The following SMIM41 variants were observed in gnomAD, a reference collection of about 807,000 sequenced individuals.
SMIM41 encodes the protein small integral membrane protein 41.
chr12:52,090,624 G>GA (rs1330560045), intron 2 of SMIM41, among the ~76,000 whole-genome samples: 1 of 152,204 alleles, frequency 6.6e-6, no homozygotes, highest in Non-Finnish European at 1.5e-5. Context: ...TGGAGAGCCA[G>GA]AAAATGGACT....
At chr12:52,083,794 A>G (rs1405987920) in intron 1 of SMIM41, 100 bp from the exon 2 acceptor site, 2 of 152,224 alleles carry the variant, frequency 1.3e-5, no homozygotes, top group Non-Finnish European at 2.9e-5. Flanking sequence ...TAGGTTTGTC[A>G]TTGATCAAAT....
At chr12:52,084,264 T>C (rs1193130691) in intron 2 of SMIM41, among the ~76,000 whole-genome samples, 1 of 151,124 alleles carries the variant, frequency 6.6e-6, no homozygotes, top group East Asian at 1.9e-4. Flanking sequence ...ATGGGGAGAA[T>C]TGCTTGAATC....
chr12:52,089,877 A>G (rs770390230), intron 2 of SMIM41, among the ~76,000 whole-genome samples: 120 of 152,306 alleles, frequency 7.9e-4, no homozygotes, highest in Non-Finnish European at 1.2e-3. Context: ...ATCTGCAATG[A>G]TCCTACTTCC....
At chr12:52,088,807 G>A (rs1463870171) in intron 2 of SMIM41, among the ~76,000 whole-genome samples, 3 of 152,090 alleles carry the variant, frequency 2.0e-5, no homozygotes, top group African/African-American at 7.2e-5. Flanking sequence ...ACTGCTCATA[G>A]GATGGCATCT....
chr12:52,104,445 T>A, intron 2 of SMIM41: 1 of 175,022 alleles, frequency 5.7e-6, no homozygotes, highest in Non-Finnish European at 1.2e-5. Context: ...GGATGGAGTC[T>A]GAGCCTCCAT....
chr12:52,094,837 A>G (rs1940062136), intron 2 of SMIM41: 1 of 152,168 alleles, frequency 6.6e-6, no homozygotes, highest in Non-Finnish European at 1.5e-5. Flanking sequence ...CCAAGAAGTT[A>G]GCTGATGAAC....
intron 2 of SMIM41, among the ~76,000 whole-genome samples, chr12:52,096,635 C>T (rs1306976143): frequency 2.0e-5 from 3 of 151,260 alleles, no homozygotes; most frequent in Non-Finnish European, 4.4e-5. Context: ...AAGATCAGTA[C>T]CGGTTATTAA....
At chr12:52,100,779 T>C (rs1275306293) in intron 2 of SMIM41, among the ~76,000 whole-genome samples, 3 of 152,134 alleles carry the variant, frequency 2.0e-5, no homozygotes, top group Non-Finnish European at 4.4e-5. Flanking sequence ...AGCCACCACT[T>C]AGCATTTTCA....
In SMIM41 at chr12:52,079,791, TCAGG is replaced by T. The variant is rs891239462; in HGVS notation, c.14_17del (p.Gln5ArgfsTer10). 1.3e-5 allele frequency: 5 copies of T among 393,486 alleles called. No individual in the cohort carries two copies. The highest frequency in any genetic ancestry group is 1.0e-4 in the African/African-American group (5 of 48,474). The allele number at this position is 393,486 out of a possible 1,614,324, so 24.4% of individuals were successfully genotyped here. On this transcript the variant is annotated frameshift_variant, in exon 1 of 3. Coordinates refer to ENST00000546390, the MANE Select transcript of SMIM41 (RefSeq NM_001369216.1). LOFTEE classifies it high-confidence loss of function. ...GCCGGCGCTGGAGCATGAACGGCTC[TCAGG>T]CGGGCGCCGCGGCTCAGGCCGCCTG...
intron 2 of SMIM41, among the ~76,000 whole-genome samples, chr12:52,085,853 A>G (rs1939884870): frequency 6.6e-6 from 1 of 152,180 alleles, no homozygotes; most frequent in Non-Finnish European, 1.5e-5. Flanking sequence ...GGTGGCCATG[A>G]GATAACTCAT....
At chr12:52,104,597 G>C (rs1411009257) in intron 2 of SMIM41, among the ~76,000 whole-genome samples, 6 of 151,930 alleles carry the variant, frequency 3.9e-5, no homozygotes, top group African/African-American at 1.5e-4. Flanking sequence ...AGGAGAGTGC[G>C]GTGGGCAGAT....
rs1940369146 is a variant in SMIM41 at position 52,107,699 on chromosome 12, G to A, written c.*516G>A. On this transcript the variant is annotated 3_prime_UTR_variant, in exon 3 of 3. Coordinates refer to ENST00000546390, the MANE Select transcript of SMIM41 (RefSeq NM_001369216.1). ...CTCCTGAGTGTGATGGCCTATGACC[G>A]GTTTGTAGCCATCTGTCACCCTCTA... 9 of 498,474 alleles carry A rather than the reference G, an allele frequency of 1.8e-5. No homozygotes were observed. Among genetic ancestry groups the A allele is most frequent in the South Asian group, 1.4e-4 (9 of 63,492 alleles). The allele number at this position is 498,474 out of a possible 1,614,324, so 30.9% of individuals were successfully genotyped here. A position where few individuals can be genotyped will look rare whatever the true frequency, so the allele number is the denominator to read the frequency against.
rs547874529 is a variant in SMIM41, at chr12:52,103,049, G to A, written c.*196-4330G>A. On this transcript the variant is annotated intron_variant, in intron 2 of 2. Coordinates refer to ENST00000546390, the MANE Select transcript of SMIM41 (RefSeq NM_001369216.1). Reference sequence around the variant, plus strand: ...CTTAAAAAGGCAGGCACTTCTGGCCGGTGCGGTGGCTCATGCCTGTAATCC... The same window carrying A: ...CTTAAAAAGGCAGGCACTTCTGGCCAGTGCGGTGGCTCATGCCTGTAATCC... Among the ~76,000 whole-genome samples the A allele has an allele frequency of 3.9e-5, 6 of 152,158 alleles. No individual in the cohort carries two copies. In the South Asian group the frequency reaches 8.3e-4, roughly 21 times the overall value.
rs1403053459 is a variant in SMIM41 at position 52,099,904 on chromosome 12, T to C, written c.*196-7475T>C. Among the ~76,000 whole-genome samples, 5 of 151,952 alleles carry C rather than the reference T, an allele frequency of 3.3e-5. No homozygotes were observed. In the East Asian group the frequency reaches 5.8e-4, roughly 18 times the overall value. Reference sequence around the variant, plus strand: ...AAATATCACAGTGGGGTGTACACCCTGGTGATATTGGGAGTAATATCATCC... The same window carrying C: ...AAATATCACAGTGGGGTGTACACCCCGGTGATATTGGGAGTAATATCATCC... On this transcript the variant is annotated intron_variant, in intron 2 of 2. Coordinates refer to ENST00000546390, the MANE Select transcript of SMIM41 (RefSeq NM_001369216.1).
At chr12:52,095,341 G>A (rs1375360894) in intron 2 of SMIM41, among the ~76,000 whole-genome samples, 2 of 151,560 alleles carry the variant, frequency 1.3e-5, no homozygotes, top group Non-Finnish European at 3.0e-5. Flanking sequence ...CCGCGATTCG[G>A]GGAGTAATAT....
intron 2 of SMIM41, among the ~76,000 whole-genome samples, chr12:52,100,084 T>TCC (rs34419454): frequency 4.2e-4 from 64 of 150,972 alleles, no homozygotes; most frequent in African/African-American, 1.5e-3. Context: ...TATGATCCTC[T>TCC]CCCCCCCCGG....
chr12:52,080,988 C>T (rs140651644), intron 1 of SMIM41, among the ~76,000 whole-genome samples: 18 of 152,010 alleles, frequency 1.2e-4, no homozygotes, highest in South Asian at 2.1e-4. Context: ...GCCTCGGGAG[C>T]GCTGCTCCGG....
In SMIM41 at chr12:52,107,860, C is replaced by A; in HGVS notation, c.*677C>A. 1 of 326,858 alleles carries A rather than the reference C, an allele frequency of 3.1e-6. No individual in the cohort carries two copies. The highest frequency in any genetic ancestry group is 8.0e-5 in the East Asian group (1 of 12,560). The allele number at this position is 326,858 out of a possible 1,614,324, so 20.2% of individuals were successfully genotyped here. A position where few individuals can be genotyped will look rare whatever the true frequency, so the allele number is the denominator to read the frequency against. ...GACCTGCTTCAAGGAGGTGGACATT[C>A]CTAATTTCTTCTGTGACCTTTCTCA... On this transcript the variant is annotated 3_prime_UTR_variant, in exon 3 of 3. Transcript: ENST00000546390.
In SMIM41 at chr12:52,084,693, A is replaced by G. The variant is rs1939867958; in HGVS notation, c.*195+725A>G. On this transcript the variant is annotated intron_variant, in intron 2 of 2. Transcript: ENST00000546390. ...AAGCAGGGGGGCTGGGGCAGGGCGG[A>G]TGAGGGAGGTGTGACCAGGGTGGTG... 2.0e-5 allele frequency: 3 copies of G among 152,708 alleles called. No homozygotes were observed. In the Admixed American group the frequency reaches 2.0e-4, roughly 10 times the overall value. The allele number at this position is 152,708 out of a possible 1,614,324, so 9.5% of individuals were successfully genotyped here.
Sources: gnomAD v4.1 joint callset for allele counts (sites outside exome capture counted in the v4.1 genomes callset) on GRCh38, gnomAD v4.1.1 for gene constraint, MANE v1.5 for transcripts, NCBI Gene and HGNC (gene_info 2026-07-23, HGNC 2026-07-21) for gene names.